Variants in ARHGAP45 observed in about 807,000 individuals in gnomAD.
The protein encoded by ARHGAP45 is Rho GTPase activating protein 45, also known as rho GTPase-activating protein 45.
Under a neutral mutation model 116.1 loss-of-function variants are expected in ARHGAP45, and 56 were observed. The ratio of observed to expected loss-of-function variants is 0.48; its 90% confidence interval spans 0.39 to 0.60. ARHGAP45 has a LOEUF of 0.60. Ranked by LOEUF, ARHGAP45 falls within the 20% of genes least tolerant of loss-of-function variation. The pLI, the probability that ARHGAP45 is intolerant of heterozygous loss-of-function variation, is 0.00. For missense variants in ARHGAP45, 1,622 were observed against 1,601.0 expected (o/e 1.01, Z -0.22); for synonymous variants, 866 against 701.7 (o/e 1.23, Z -3.70).
chr19:1,073,376 G>A, intron 3 of ARHGAP45, 84 bp downstream of exon 3: 3 of 1,580,190 alleles, frequency 1.9e-6, no homozygotes, highest in Non-Finnish European at 2.6e-6. Context: ...GGGTTTTGAA[G>A]GATGCATAGG....
chr19:1,075,131 A>G (rs973896793), intron 10 of ARHGAP45, among the ~76,000 whole-genome samples: 1 of 151,874 alleles, frequency 6.6e-6, no homozygotes, highest in African/African-American at 2.4e-5. Flanking sequence ...CCCTGCAGAA[A>G]TGGGGAGAAG....
chr19:1,080,913 C>T lies in ARHGAP45; in HGVS notation c.2039C>T (p.Pro680Leu). Reference sequence around the variant, plus strand: ...GCAGCTGACCTCAACGGCATGACCCCCGAGCTGCCGGTGGCCGTGCCCAGT... The same window carrying T: ...GCAGCTGACCTCAACGGCATGACCCTCGAGCTGCCGGTGGCCGTGCCCAGT... ...FEQADLNGMT[P>L]ELPVAVPSGP... The change falls in exon 17 of 23, where the codon CCC (proline) becomes CTC (leucine). Residue 680 changes from proline to leucine, a missense_variant. By Grantham distance (98) the Pro-to-Leu change is moderately conservative. Transcript: ENST00000313093. 6.2e-7 allele frequency: 1 copy of T among 1,608,810 alleles called. No individual in the cohort carries two copies. The highest frequency in any genetic ancestry group is 8.5e-7 in the Non-Finnish European group (1 of 1,177,950).
In ARHGAP45 at chr19:1,080,320, C is replaced by T. The variant is rs774865783; in HGVS notation, c.1769C>T (p.Ala590Val). The T allele has an allele frequency of 6.2e-7, 1 of 1,610,874 alleles. No individual in the cohort carries two copies. The highest frequency in any genetic ancestry group is 8.5e-7 in the Non-Finnish European group (1 of 1,179,516). Residue 590 changes from alanine (A) to valine (V), a missense_variant, in exon 14 of 23, where the codon GCC (alanine) becomes GTC (valine). Around this residue, in one of 3 missense-constraint regions of ARHGAP45, gnomAD observed 1,334 missense variants for 1,263.8 expected, o/e 1.06. Coordinates refer to ENST00000313093, the MANE Select transcript of ARHGAP45 (RefSeq NM_012292.5). ...NVSDVARPEA[A>V]GSPPEEGGCT... ...AGTGATGTGGCGCGGCCGGAGGCTG[C>T]CGGGAGCCCCCCAGAAGAAGGCGGG...
chr19:1,075,260 G>A (rs2043224254), intron 10 of ARHGAP45, among the ~76,000 whole-genome samples: 3 of 120,572 alleles, frequency 2.5e-5, no homozygotes, highest in Non-Finnish European at 3.5e-5. Context: ...TTTTGATACG[G>A]AGTCTCGCTC....
upstream of ARHGAP45, chr19:1,067,144 C>T (rs1281527986): frequency 8.5e-6 from 10 of 1,176,744 alleles, no homozygotes; most frequent in Non-Finnish European, 1.1e-6. Flanking sequence ...GGGGGCGGGG[C>T]CTGCGACCTC....
intron 22 of ARHGAP45, among the ~76,000 whole-genome samples, chr19:1,085,324 A>G (rs1433300726): frequency 6.6e-6 from 1 of 152,122 alleles, no homozygotes; most frequent in Non-Finnish European, 1.5e-5. Context: ...CACCTCCAGG[A>G]TTCAACCATC....
Position 1,082,951 on chromosome 19 carries a change from G to A in ARHGAP45, c.2629G>A (p.Gly877Ser), listed in dbSNP as rs1227895148. Residue 877 changes from glycine to serine, a missense_variant, in exon 20 of 23, where the codon GGC becomes AGC. Transcript: ENST00000313093. Reference sequence around the variant, plus strand: ...GGCGGCGTCCCGGGGCCGGCAGGACGGCTCGGAGAGCGAGGCAGTGGCGGT... The same window carrying A: ...GGCGGCGTCCCGGGGCCGGCAGGACAGCTCGGAGAGCGAGGCAGTGGCGGT... ...AKAASRGRQD[G>S]SESEAVAVAL... 2 of 1,573,008 alleles carry A rather than the reference G, an allele frequency of 1.3e-6. No homozygotes were observed. The highest frequency in any genetic ancestry group is 8.6e-7 in the Non-Finnish European group (1 of 1,163,418).
chr19:1,080,678 C>T lies in ARHGAP45; in HGVS notation c.1913-4C>T, dbSNP rs1373206857. On this transcript the variant is annotated splice_region_variant and splice_polypyrimidine_tract_variant and intron_variant, in intron 15 of 22. Coordinates refer to ENST00000313093, the MANE Select transcript of ARHGAP45 (RefSeq NM_012292.5). ...GAGTCTGAACAGTCCTGATTCCCGC[C>T]CAGGGGACTTTAAGAAGTTCGAGCG... 1.2e-6 allele frequency: 2 copies of T among 1,613,020 alleles called. No individual in the cohort carries two copies. The highest frequency in any genetic ancestry group is 1.7e-6 in the Non-Finnish European group (2 of 1,179,724).
chr19:1,069,126 A>C lies in ARHGAP45; in HGVS notation c.421+382A>C, dbSNP rs946128459. ...AACGCCAGGCAGAAGGGCAATGGGG[A>C]GCCATAGAAGGTGTTAGAGCACAGG... On this transcript the variant is annotated intron_variant, in intron 2 of 22. Transcript: ENST00000313093. The surrounding 1 kb of genome is among the most constrained non-coding windows in gnomAD (Gnocchi z 4.1). Among the ~76,000 whole-genome samples the C allele has an allele frequency of 3.3e-5, 5 of 152,002 alleles. No individual in the cohort carries two copies. The highest frequency in any genetic ancestry group is 1.2e-4 in the African/African-American group (5 of 41,340).
At chr19:1,078,623 T>C (rs917196847) in intron 11 of ARHGAP45, among the ~76,000 whole-genome samples, 82 of 136,410 alleles carry the variant, frequency 6.0e-4, no homozygotes, top group African/African-American at 2.2e-3. Flanking sequence ...CTTGGCCAGG[T>C]TGGTCTCAAA....
In ARHGAP45 at chr19:1,083,076, G is replaced by C. The variant is rs1239032813; in HGVS notation, c.2744+10G>C. The C allele has an allele frequency of 6.4e-7, 1 of 1,555,382 alleles. No homozygotes were observed. On this transcript the variant is annotated intron_variant, in intron 20 of 22. Transcript: ENST00000313093. ...TGCGTCACCTACGCAGGTGAGTCCC[G>C]GCATATGGAGTGGAGGGCGCGGGGT...
chr19:1,065,989 A>G, upstream of ARHGAP45: 1 of 1,529,260 alleles, frequency 6.5e-7, no homozygotes, highest in Non-Finnish European at 8.7e-7. Flanking sequence ...TCCGACATCC[A>G]GCTGACCCTC....
chr19:1,068,806 GAGGGAGGGACTTGGGGAGGCTCAGA>G lies in ARHGAP45; in HGVS notation c.421+72_421+96del. 1 of 1,516,626 alleles carries G rather than the reference GAGGGAGGGACTTGGGGAGGCTCAGA, an allele frequency of 6.6e-7. No homozygotes were observed. The highest frequency in any genetic ancestry group is 1.2e-5 in the South Asian group (1 of 86,442). 93.9% of individuals were successfully genotyped at this position (1,516,626 alleles called of 1,614,324 possible). A position where few individuals can be genotyped will look rare whatever the true frequency, so the allele number is the denominator to read the frequency against. ...ACAGAGCCAGACCCAAGGGAGGATG[GAGGGAGGGACTTGGGGAGGCTCAGA>G]AGGGAGGGAGGCTCAGATGGCAGGG... On this transcript the variant is annotated intron_variant, in intron 2 of 22. Coordinates refer to ENST00000313093, the MANE Select transcript of ARHGAP45 (RefSeq NM_012292.5). This position sits in a 1 kb window ranked among gnomAD's most constrained non-coding sequence, Gnocchi z 7.5.
chr19:1,071,729 C>G lies in ARHGAP45; in HGVS notation c.422-1420C>G, dbSNP rs1008605432. ...ATGTTCCGGTCCGGGGTCTCAGGCCCGGCGGCGGCCAGCGGGGTATCTCTG... is the reference window on the plus strand; with the variant it reads ...ATGTTCCGGTCCGGGGTCTCAGGCCGGGCGGCGGCCAGCGGGGTATCTCTG... On this transcript the variant is annotated intron_variant, in intron 2 of 22. Coordinates refer to ENST00000313093, the MANE Select transcript of ARHGAP45 (RefSeq NM_012292.5). This position sits in a 1 kb window ranked among gnomAD's most constrained non-coding sequence, Gnocchi z 4.6. 1.3e-5 allele frequency: 2 copies of G among 152,210 alleles called. No homozygotes were observed. The highest frequency in any genetic ancestry group is 2.9e-5 in the Non-Finnish European group (2 of 68,150). 9.4% of individuals were successfully genotyped at this position (152,210 alleles called of 1,614,324 possible). A position where few individuals can be genotyped will look rare whatever the true frequency, so the allele number is the denominator to read the frequency against.
intron 2 of ARHGAP45, among the ~76,000 whole-genome samples, chr19:1,070,225 A>G (rs1445867693): frequency 6.7e-6 from 1 of 150,180 alleles, no homozygotes; most frequent in East Asian, 1.9e-4. Context: ...CAAACCCCTA[A>G]CCTCGTGATC....
At chr19:1,081,184 T>C in intron 17 of ARHGAP45, 120 bp downstream of exon 17, 1 of 1,198,920 alleles carries the variant, frequency 8.3e-7, no homozygotes, top group African/African-American at 1.5e-5. Context: ...TCGGACGCCT[T>C]TGGAAGGAAG....
intron 3 of ARHGAP45, 22 bp downstream of exon 3, chr19:1,073,314 T>C (rs1201260775): frequency 6.2e-7 from 1 of 1,611,498 alleles, no homozygotes. Flanking sequence ...GGAACAGGGC[T>C]GCGAGGGCTC....
chr19:1,083,409 G>A (rs536733871), intron 21 of ARHGAP45, 56 bp downstream of exon 21: 73 of 1,427,004 alleles, frequency 5.1e-5, no homozygotes, highest in Middle Eastern at 4.8e-4. Context: ...AGCAGGGGGC[G>A]CTGCTGGGGA....
chr19:1,067,545 A>G, intron 1 of ARHGAP45, 50 bp downstream of exon 1: 3 of 1,491,060 alleles, frequency 2.0e-6, no homozygotes, highest in South Asian at 1.2e-5. Flanking sequence ...CCGCAGGGGG[A>G]CAGGGACCCG....
Sources: allele counts gnomAD v4.1 joint callset (sites outside exome capture counted in the v4.1 genomes callset), GRCh38; gene constraint gnomAD v4.1.1; regional missense constraint gnomAD v4.1.1; non-coding constraint Gnocchi (gnomAD v3.1); transcripts MANE v1.5; gene names NCBI Gene and HGNC (gene_info 2026-07-23, HGNC 2026-07-21).